RSF1: variants seen among roughly 807,000 people sequenced by gnomAD.
The protein encoded by RSF1 is remodeling and spacing factor 1.
RSF1 carries 13 observed loss-of-function variants against 145.2 expected under a neutral mutation model. The ratio of observed to expected loss-of-function variants is 0.09; its 90% confidence interval spans 0.06 to 0.14. RSF1 has a LOEUF of 0.14. RSF1 is among the 10% of genes least tolerant of loss of function. RSF1 has a pLI of 1.00. For synonymous variants in RSF1, 577 were observed against 592.6 expected (o/e 0.97, Z 0.38); for missense variants, 1,517 against 1,718.2 (o/e 0.88, Z 2.07).
At chr11:77,669,652 G>A (rs1959467715) in intron 15 of RSF1, among the ~76,000 whole-genome samples, 1 of 152,164 alleles carries the variant, frequency 6.6e-6, no homozygotes, top group South Asian at 2.1e-4. Flanking sequence ...CTATTGTAAC[G>A]ATCAGCACAC....
chr11:77,714,060 CAAATT>C (rs1375701774), intron 5 of RSF1, among the ~76,000 whole-genome samples: 4 of 152,194 alleles, frequency 2.6e-5, no homozygotes, highest in East Asian at 1.9e-4. Context: ...GTGAAATACT[CAAATT>C]AAAGCAATGT....
chr11:77,773,852 G>A (rs1054050500), intron 1 of RSF1, among the ~76,000 whole-genome samples: 1 of 152,114 alleles, frequency 6.6e-6, no homozygotes, highest in South Asian at 2.1e-4. Context: ...GGCTAAAAAA[G>A]TGTTTTAAAT....
intron 3 of RSF1, among the ~76,000 whole-genome samples, chr11:77,742,948 T>G (rs1198960030): frequency 6.6e-6 from 1 of 152,190 alleles, no homozygotes; most frequent in Non-Finnish European, 1.5e-5. Flanking sequence ...CTAATTTCAT[T>G]CTCCTGCATG....
the RSF1 span, among the ~76,000 whole-genome samples, chr11:77,858,908 A>C: frequency 0.02 from 3,094 of 152,272 alleles, 94 homozygotes; most frequent in African/African-American, 0.07. Flanking sequence ...GAGGTTAGAG[A>C]TACAGGGATT....
chr11:77,725,492 A>T, intron 5 of RSF1, 53 bp downstream of exon 5: 1 of 1,331,606 alleles, frequency 7.5e-7, no homozygotes, highest in South Asian at 1.9e-5. Context: ...GAGGAGTGGA[A>T]GAATATGGAA....
chr11:77,811,970 T>C (rs996872449), intron 1 of RSF1, among the ~76,000 whole-genome samples: 2 of 152,082 alleles, frequency 1.3e-5, no homozygotes, highest in Non-Finnish European at 2.9e-5. Flanking sequence ...GCCCAGGAGT[T>C]TGAGACCAGC....
chr11:77,850,334 G>T, the RSF1 span, among the ~76,000 whole-genome samples: 2 of 152,026 alleles, frequency 1.3e-5, no homozygotes, highest in Admixed American at 6.6e-5. Flanking sequence ...CTTTTCCAGG[G>T]TCACATAACT....
chr11:77,799,194 A>G (rs922187674), intron 1 of RSF1, among the ~76,000 whole-genome samples: 4 of 151,982 alleles, frequency 2.6e-5, no homozygotes, highest in Non-Finnish European at 5.9e-5. Context: ...AATAATAATA[A>G]AGACTAAAAA....
rs537625395 is a variant in RSF1, at chr11:77,753,943, T to C, written c.280-6815A>G. Among the ~76,000 whole-genome samples the C allele has an allele frequency of 2.6e-5, 4 of 152,306 alleles. No individual in the cohort carries two copies. In the South Asian group the frequency reaches 8.3e-4, roughly 32 times the overall value. On this transcript the variant is annotated intron_variant, in intron 2 of 15. Transcript: ENST00000308488. Reference sequence around the variant, plus strand: ...TCTTGCACCCCCAACCAATAAGCAGTAAGCACCCATTGCCTAGCCACCCAA... The same window carrying C: ...TCTTGCACCCCCAACCAATAAGCAGCAAGCACCCATTGCCTAGCCACCCAA...
At chr11:77,687,901 A>G (rs1247560022) in intron 9 of RSF1, among the ~76,000 whole-genome samples, 1 of 152,232 alleles carries the variant, frequency 6.6e-6, no homozygotes, top group Non-Finnish European at 1.5e-5. Context: ...TTTTTTCATC[A>G]GGCTTTTACA....
At chr11:77,700,349 C>CCAAAAA (rs751077183) in intron 6 of RSF1, among the ~76,000 whole-genome samples, 1 of 47,196 alleles carries the variant, frequency 2.1e-5, no homozygotes, top group African/African-American at 7.7e-5. Flanking sequence ...GACTGTCTCA[C>CCAAAAA]AAAAAAAAAA....
chr11:77,842,379 T>G, the RSF1 span: 1 of 1,140,704 alleles, frequency 8.8e-7, no homozygotes, highest in South Asian at 1.6e-5. Context: ...GAAAAGATGC[T>G]TCTTAAATCA....
intron 4 of RSF1, among the ~76,000 whole-genome samples, chr11:77,737,619 GGGGTGTGTGTGTGTGTGTGTGTGT>G (rs1418509840): frequency 5.9e-5 from 6 of 102,302 alleles, no homozygotes; most frequent in Non-Finnish European, 1.0e-4. Flanking sequence ...TGTGTTTTGG[GGGGTGTGTGTGTGTGTGTGTGTGT>G]GTGTGTGTGT....
intron 4 of RSF1, among the ~76,000 whole-genome samples, chr11:77,729,894 G>GAAAAAAAAAA (rs1565162510): frequency 2.5e-4 from 3 of 11,774 alleles, no homozygotes; most frequent in African/African-American, 9.4e-4. Context: ...TATTCAGTAG[G>GAAAAAAAAAA]CAAAAAAAAA....
the RSF1 span, among the ~76,000 whole-genome samples, chr11:77,828,670 GAA>G: frequency 2.0e-4 from 17 of 83,884 alleles, no homozygotes; most frequent in Middle Eastern, 7.9e-3. Context: ...ACTCCATCTC[GAA>G]AAAAAAAAAA....
chr11:77,772,630 T>G (rs1281162906), intron 1 of RSF1, among the ~76,000 whole-genome samples: 1 of 152,128 alleles, frequency 6.6e-6, no homozygotes, highest in Non-Finnish European at 1.5e-5. Context: ...AATTTGTCAT[T>G]CATAATTGAA....
chr11:77,665,030 T>C lies in RSF1; in HGVS notation c.*1887A>G, dbSNP rs1959326903. On this transcript the variant is annotated 3_prime_UTR_variant, in exon 16 of 16. Coordinates refer to ENST00000308488, the MANE Select transcript of RSF1 (RefSeq NM_016578.4). The stretch of plus-strand genomic sequence containing the variant: ...GCTAGAATCAAAGCAAAAATATTAA[T>C]GGGCAGGTACTACAGAACTAAAGTG... The C allele has an allele frequency of 6.6e-6, 1 of 152,144 alleles. No individual in the cohort carries two copies. Among genetic ancestry groups the C allele is most frequent in the Admixed American group, 6.6e-5 (1 of 15,262 alleles). The allele number at this position is 152,144 out of a possible 1,614,324, so 9.4% of individuals were successfully genotyped here. A position where few individuals can be genotyped will look rare whatever the true frequency, so the allele number is the denominator to read the frequency against.
Position 77,675,052 on chromosome 11 carries a change from C to A in RSF1, c.3546G>T (p.Glu1182Asp). 2 of 1,609,316 alleles carry A rather than the reference C, an allele frequency of 1.2e-6. No homozygotes were observed. The highest frequency in any genetic ancestry group is 4.5e-5 in the East Asian group (2 of 44,860). ...SDDDEEEESE[E>D]NSRDSESDFS... ...TATTTTTACCAGAGTCTCTACTATT[C>A]TCCTCAGATTCCTCCTCTTCATCAT... Residue 1182 changes from glutamate (E) to aspartate (D), a missense_variant, in exon 14 of 16, where the codon GAG (glutamate) becomes GAT (aspartate). Glu to Asp is a conservative substitution (Grantham distance 45). Coordinates refer to ENST00000308488, the MANE Select transcript of RSF1 (RefSeq NM_016578.4).
chr11:77,738,005 T>C (rs1027384924), intron 4 of RSF1, among the ~76,000 whole-genome samples: 4 of 152,160 alleles, frequency 2.6e-5, no homozygotes, highest in African/African-American at 9.7e-5. Flanking sequence ...GGCGGGTGCC[T>C]GTAGTCCCAG....
Sources: allele counts gnomAD v4.1 joint callset (sites outside exome capture counted in the v4.1 genomes callset), GRCh38; gene constraint gnomAD v4.1.1; transcripts MANE v1.5; gene names NCBI Gene and HGNC (gene_info 2026-07-23, HGNC 2026-07-21).